The following NLRP7 variants were observed in gnomAD, a reference collection of about 807,000 sequenced individuals.
NLRP7 encodes the protein NLR family pyrin domain containing 7.
A neutral mutation model predicts 85.5 loss-of-function variants in NLRP7; 72 were observed. The ratio of observed to expected loss-of-function variants is 0.84; its 90% confidence interval spans 0.70 to 1.02. The LOEUF (loss-of-function observed/expected upper bound fraction) is 1.02, where lower values mean the gene tolerates loss of function less well. NLRP7 is among the 50% of genes least tolerant of loss of function. NLRP7 has a pLI of 0.00. For synonymous variants in NLRP7, 550 were observed against 505.2 expected (o/e 1.09, Z -1.19); for missense variants, 1,243 against 1,219.5 (o/e 1.02, Z -0.29).
intron 1 of NLRP7, among the ~76,000 whole-genome samples, chr19:54,962,860 A>G (rs4641869): frequency 0.14 from 21,134 of 151,606 alleles, 1,904 homozygotes; most frequent in Non-Finnish European, 0.21. Flanking sequence ...CGGCCTCCCA[A>G]AGTGCTGGGA....
At position 54,934,188 on chromosome 19, in the gene NLRP7, G is replaced by A. The variant is rs1006018758; in HGVS notation, c.2471+301C>T. ...GATCTCTTGACCTCGTGATCTCCCCGCCTTGGCCTCCCAACGTGCTGGGAT... is the reference window on the plus strand; with the variant it reads ...GATCTCTTGACCTCGTGATCTCCCCACCTTGGCCTCCCAACGTGCTGGGAT... On this transcript the variant is annotated intron_variant, in intron 7 of 9. Transcript: ENST00000340844. This position sits in a 1 kb window ranked among gnomAD's most constrained non-coding sequence, Gnocchi z 6.7. Among the ~76,000 whole-genome samples the A allele has an allele frequency of 1.6e-4, 24 of 152,084 alleles. No individual in the cohort carries two copies. The highest frequency in any genetic ancestry group is 5.1e-4 in the African/African-American group (21 of 41,422).
intron 1 of NLRP7, among the ~76,000 whole-genome samples, chr19:54,946,741 G>A (rs1444134853): frequency 6.6e-6 from 1 of 152,040 alleles, no homozygotes; most frequent in Non-Finnish European, 1.5e-5. Flanking sequence ...CTAGGTTTAA[G>A]CTATTCTCCT....
At chr19:54,937,938 C>T in intron 5 of NLRP7, 106 bp downstream of exon 5, 1 of 837,124 alleles carries the variant, frequency 1.2e-6, no homozygotes, top group East Asian at 2.4e-5. Flanking sequence ...TGGAAAATCC[C>T]CAAATACATG....
At chr19:54,930,461 C>CA (rs755925635) in intron 9 of NLRP7, 38 bp downstream of exon 9, 6 of 1,476,232 alleles carry the variant, frequency 4.1e-6, no homozygotes, top group Non-Finnish European at 5.7e-6. Context: ...GACCCTGTCT[C>CA]AAAAAAAGAA....
At chr19:54,933,304 C>T (rs1048793595) in intron 8 of NLRP7, among the ~76,000 whole-genome samples, 2 of 152,090 alleles carry the variant, frequency 1.3e-5, no homozygotes, top group African/African-American at 4.8e-5. Context: ...CGCCACCACA[C>T]CTGGCTAATT....
At chr19:54,941,664 C>G (rs2069233231) in exon 2 of NLRP7, 2 of 1,613,848 alleles carry the variant, frequency 1.2e-6, no homozygotes. Flanking sequence ...CCTCGTTCAG[C>G]TGCTCCAGAA....
At chr19:54,926,833 T>C (rs1368768718) in intron 9 of NLRP7, among the ~76,000 whole-genome samples, 5 of 150,608 alleles carry the variant, frequency 3.3e-5, no homozygotes, top group African/African-American at 1.2e-4. Flanking sequence ...GGAGAATCAC[T>C]TGAACCCAGG....
rs552437929 is a variant in NLRP7, at chr19:54,934,162, C to G, written c.2471+327G>C. Among the ~76,000 whole-genome samples, 3 of 152,120 alleles carry G rather than the reference C, an allele frequency of 2.0e-5. No individual in the cohort carries two copies. The highest frequency in any genetic ancestry group is 7.2e-5 in the African/African-American group (3 of 41,428). ...TTCACCATGTTAGCCAGGATGGTCT[C>G]GATCTCTTGACCTCGTGATCTCCCC... is the stretch of plus-strand genomic sequence containing the variant. On this transcript the variant is annotated intron_variant, in intron 7 of 9. Coordinates refer to ENST00000340844, the Ensembl canonical transcript of NLRP7. This position sits in a 1 kb window ranked among gnomAD's most constrained non-coding sequence, Gnocchi z 6.7.
chr19:54,934,698 C>G lies in NLRP7; in HGVS notation c.2301-39G>C. On this transcript the variant is annotated intron_variant, in intron 6 of 9. Coordinates refer to ENST00000340844, the Ensembl canonical transcript of NLRP7. The surrounding 1 kb of genome is among the most constrained non-coding windows in gnomAD (Gnocchi z 6.7). ...GGGAAAAGTCATTCTTCTGGGAGGACAGAGTATACCCTATCAGCTTTTTTT... is the reference window on the plus strand; with the variant it reads ...GGGAAAAGTCATTCTTCTGGGAGGAGAGAGTATACCCTATCAGCTTTTTTT... The G allele has an allele frequency of 6.5e-7, 1 of 1,535,620 alleles. No individual in the cohort carries two copies. Among genetic ancestry groups the G allele is most frequent in the Non-Finnish European group, 8.9e-7 (1 of 1,128,164 alleles).
At position 54,934,749 on chromosome 19, in the gene NLRP7, G is replaced by A. The variant is rs540876401; in HGVS notation, c.2301-90C>T. 8.2e-6 allele frequency: 9 copies of A among 1,101,322 alleles called. No homozygotes were observed. In the South Asian group the frequency reaches 1.1e-4, roughly 14 times the overall value. The allele number at this position is 1,101,322 out of a possible 1,614,324, so 68.2% of individuals were successfully genotyped here. A position where few individuals can be genotyped will look rare whatever the true frequency, so the allele number is the denominator to read the frequency against. On this transcript the variant is annotated intron_variant, in intron 6 of 9. Coordinates refer to ENST00000340844, the Ensembl canonical transcript of NLRP7. The surrounding 1 kb of genome is among the most constrained non-coding windows in gnomAD (Gnocchi z 6.7). Reference sequence around the variant, plus strand: ...TTTTGAGACAGAGTTTCACTCTGTTGCCCAGTCTGGAATGCAAAGGCGTGA... The same window carrying A: ...TTTTGAGACAGAGTTTCACTCTGTTACCCAGTCTGGAATGCAAAGGCGTGA...
chr19:54,955,842 C>G (rs867660869), intron 1 of NLRP7, among the ~76,000 whole-genome samples: 1 of 151,986 alleles, frequency 6.6e-6, no homozygotes, highest in Non-Finnish European at 1.5e-5. Context: ...GCCTCAGCCT[C>G]CCAAGTAGCT....
chr19:54,953,695 T>A (rs1343400514), intron 1 of NLRP7, among the ~76,000 whole-genome samples: 2 of 151,746 alleles, frequency 1.3e-5, no homozygotes, highest in African/African-American at 2.4e-5. Flanking sequence ...GGTGGTCTCC[T>A]CCCTTAGCAA....
In NLRP7 at chr19:54,962,939, C is replaced by T. The variant is rs559188861; in HGVS notation, c.-77+3101G>A. Among the ~76,000 whole-genome samples, 501 of 152,168 alleles carry T rather than the reference C, an allele frequency of 3.3e-3. 2 individuals carry two copies. The highest frequency in any genetic ancestry group is 6.8e-3 in the Middle Eastern group (2 of 294). Reference sequence around the variant, plus strand: ...TCTTTCTAGGATAGGCAACTGAGCGCGGCAGTGAAGAGCTGGGCTTCCGGA... The same window carrying T: ...TCTTTCTAGGATAGGCAACTGAGCGTGGCAGTGAAGAGCTGGGCTTCCGGA... On this transcript the variant is annotated intron_variant, in intron 1 of 2. Coordinates refer to the NLRP7 transcript ENST00000587103.
chr19:54,960,988 A>T (rs907984831), intron 1 of NLRP7, among the ~76,000 whole-genome samples: 6 of 152,092 alleles, frequency 3.9e-5, no homozygotes, highest in African/African-American at 1.4e-4. Context: ...GGGCATTTTT[A>T]AAAATGCTAG....
rs553371110 is a variant in NLRP7, at chr19:54,934,231, G to T, written c.2471+258C>A. On this transcript the variant is annotated intron_variant, in intron 7 of 9. Coordinates refer to ENST00000340844, the Ensembl canonical transcript of NLRP7. This position sits in a 1 kb window ranked among gnomAD's most constrained non-coding sequence, Gnocchi z 6.7. ...GCTGGGATTACAGGCATGAGCCACC[G>T]CACCCGGCCTGTTTTTGGTATTTTT... is the stretch of plus-strand genomic sequence containing the variant. Among the ~76,000 whole-genome samples the T allele has an allele frequency of 5.3e-5, 8 of 152,118 alleles. 1 individual carries two copies. The South Asian group carries it at 1.2e-3, about 24-fold the overall frequency.
At chr19:54,947,365 A>G in intron 1 of NLRP7, 104 bp downstream of exon 1, 3 of 837,498 alleles carry the variant, frequency 3.6e-6, no homozygotes, top group Non-Finnish European at 5.2e-6. Flanking sequence ...GCATCCTCGC[A>G]CCAACCATTA....
chr19:54,942,375 C>CTG (rs2069273178), intron 1 of NLRP7, among the ~76,000 whole-genome samples: 1 of 151,670 alleles, frequency 6.6e-6, no homozygotes, highest in African/African-American at 2.4e-5. Flanking sequence ...CGTCCATGGG[C>CTG]TGTGATTTCA....
chr19:54,940,784 G>C, intron 3 of NLRP7, 147 bp downstream of exon 3: 1 of 714,460 alleles, frequency 1.4e-6, no homozygotes, highest in Admixed American at 2.2e-5. Context: ...CAGAGACGGA[G>C]CCACTACACT....
intron 8 of NLRP7, among the ~76,000 whole-genome samples, chr19:54,932,095 C>T (rs2068703086): frequency 6.6e-6 from 1 of 152,126 alleles, no homozygotes. Context: ...TGCAGGTACA[C>T]TTCGTATAAC....
Sources: allele counts gnomAD v4.1 joint callset (sites outside exome capture counted in the v4.1 genomes callset), GRCh38; gene constraint gnomAD v4.1.1; non-coding constraint Gnocchi (gnomAD v3.1); transcripts MANE v1.5; gene names NCBI Gene and HGNC (gene_info 2026-07-23, HGNC 2026-07-21).